The following FER variants were observed in gnomAD, a reference collection of about 807,000 sequenced individuals.
FER encodes tyrosine-protein kinase Fer.
FER carries 63 observed loss-of-function variants against 111.0 expected under a neutral mutation model. The ratio of observed to expected loss-of-function variants is 0.57; its 90% CI spans 0.46 to 0.70. The LOEUF (loss-of-function observed/expected upper bound fraction) is 0.70. FER is among the 30% of genes least tolerant of loss of function. The pLI is 0.00. For synonymous variants in FER, 327 were observed against 313.9 expected (o/e 1.04, Z -0.44); for missense variants, 914 against 954.0 (o/e 0.96, Z 0.55).
chr5:108,761,310 AT>A (rs1324335064), intron 1 of FER, among the ~76,000 whole-genome samples: 1 of 152,166 alleles, frequency 6.6e-6, no homozygotes, highest in Non-Finnish European at 1.5e-5. Flanking sequence ...TATTCCTTTT[AT>A]TTGAACACTT....
intron 13 of FER, among the ~76,000 whole-genome samples, chr5:109,018,588 T>A (rs1035046795): frequency 2.0e-5 from 3 of 151,834 alleles, no homozygotes; most frequent in African/African-American, 7.2e-5. Flanking sequence ...CAGTCTGAGC[T>A]TCCATTTCCT....
At chr5:109,123,921 C>G (rs963022512) in intron 17 of FER, among the ~76,000 whole-genome samples, 8 of 152,064 alleles carry the variant, frequency 5.3e-5, no homozygotes, top group Admixed American at 2.6e-4. Flanking sequence ...ATTATGTTTA[C>G]ATAGATAATG....
chr5:108,922,774 G>A (rs1030116550), intron 10 of FER, among the ~76,000 whole-genome samples: 8 of 152,166 alleles, frequency 5.3e-5, no homozygotes, highest in South Asian at 2.1e-4. Context: ...GAAACTATAC[G>A]CATTGTTTAC....
chr5:108,961,611 C>A (rs1759161903), intron 13 of FER, among the ~76,000 whole-genome samples: 1 of 152,064 alleles, frequency 6.6e-6, no homozygotes, highest in Admixed American at 6.6e-5. Context: ...TGGGTATTAA[C>A]CTAATCTAAA....
rs1032731631 is a variant in FER at position 109,186,181 on chromosome 5, G to C, written c.2204-19G>C. On this transcript the variant is annotated intron_variant, in intron 18 of 19. Coordinates refer to ENST00000281092, the MANE Select transcript of FER (RefSeq NM_005246.4). ...GTCTACTGTGCCTCATGTGGTTATGGTTGTTGTTCCTCTTCCAGGGAGATA... is the reference window on the plus strand; with the variant it reads ...GTCTACTGTGCCTCATGTGGTTATGCTTGTTGTTCCTCTTCCAGGGAGATA... The C allele has an allele frequency of 5.0e-6, 8 of 1,614,084 alleles. No homozygotes were observed. Among genetic ancestry groups the C allele is most frequent in the Non-Finnish European group, 5.9e-6 (7 of 1,179,944 alleles).
intron 17 of FER, among the ~76,000 whole-genome samples, chr5:109,156,858 A>G (rs1755452591): frequency 6.6e-6 from 1 of 152,096 alleles, no homozygotes; most frequent in Non-Finnish European, 1.5e-5. Context: ...GCAAAATCAT[A>G]TTAATATTAT....
intron 17 of FER, among the ~76,000 whole-genome samples, chr5:109,165,854 G>A (rs1190839786): frequency 6.6e-6 from 1 of 152,062 alleles, no homozygotes; most frequent in Admixed American, 6.6e-5. Context: ...TTGACATAAA[G>A]GCAATTTGTG....
intron 16 of FER, among the ~76,000 whole-genome samples, chr5:109,056,376 A>G (rs888649505): frequency 6.6e-6 from 1 of 152,206 alleles, no homozygotes; most frequent in African/African-American, 2.4e-5. Flanking sequence ...GTTCAGTAGA[A>G]TATTCTTCAG....
rs746771043 is a variant in FER, at chr5:109,187,530, T to A, written c.2424T>A (p.Ser808Arg). The change falls in exon 20 of 20, where the codon AGT becomes AGA. Residue 808 changes from serine to arginine, a missense_variant. Transcript: ENST00000281092. The part of the protein sequence containing the change: ...DYKPENRPKF[S>R]ELQKELTIIK... ...AACCTGAAAATCGCCCTAAGTTCAG[T>A]GAACTTCAGAAAGAGCTCACTATCA... 33 of 1,613,962 alleles carry A rather than the reference T, an allele frequency of 2.0e-5. No individual in the cohort carries two copies. Among genetic ancestry groups the A allele is most frequent in the Non-Finnish European group, 2.8e-5 (33 of 1,179,990 alleles).
At chr5:108,856,005 C>G (rs1762972650) in intron 5 of FER, among the ~76,000 whole-genome samples, 1 of 149,414 alleles carries the variant, frequency 6.7e-6, no homozygotes, top group East Asian at 2.0e-4. Flanking sequence ...AAGTGCACTT[C>G]TAGGGAAGGA....
At chr5:109,147,820 GAGAGAGAC>G (rs1158575007) in intron 17 of FER, among the ~76,000 whole-genome samples, 4 of 148,926 alleles carry the variant, frequency 2.7e-5, no homozygotes, top group African/African-American at 9.8e-5. Flanking sequence ...GAGAGAGAGA[GAGAGAGAC>G]AGAGACAGAG....
intron 13 of FER, among the ~76,000 whole-genome samples, chr5:108,980,702 G>A (rs974667890): frequency 4.6e-5 from 7 of 152,114 alleles, no homozygotes; most frequent in Non-Finnish European, 1.0e-4. Flanking sequence ...CGATAACAGA[G>A]TGAATTTCCA....
intron 17 of FER, among the ~76,000 whole-genome samples, chr5:109,104,024 G>A (rs1748581503): frequency 6.6e-6 from 1 of 152,144 alleles, no homozygotes; most frequent in African/African-American, 2.4e-5. Flanking sequence ...GGAGTTTGGG[G>A]AACATTTCTT....
chr5:108,973,304 A>G (rs1760917477), intron 13 of FER, among the ~76,000 whole-genome samples: 2 of 152,162 alleles, frequency 1.3e-5, no homozygotes, highest in East Asian at 3.8e-4. Flanking sequence ...TGTGCCACAA[A>G]AGGCTTGTCC....
At chr5:108,905,699 CTT>C (rs1158498456) in intron 10 of FER, among the ~76,000 whole-genome samples, 1 of 152,016 alleles carries the variant, frequency 6.6e-6, no homozygotes, top group East Asian at 1.9e-4. Flanking sequence ...TGAATTTTGA[CTT>C]GTATGTATTT....
intron 5 of FER, among the ~76,000 whole-genome samples, chr5:108,857,961 C>T (rs763831731): frequency 5.3e-5 from 8 of 152,134 alleles, no homozygotes; most frequent in African/African-American, 1.9e-4. Context: ...CTCTATGAAA[C>T]CCTAGTTCCT....
chr5:108,776,933 A>G (rs1260643398), intron 2 of FER, among the ~76,000 whole-genome samples: 4 of 152,238 alleles, frequency 2.6e-5, no homozygotes, highest in Non-Finnish European at 5.9e-5. Context: ...ACATGCATAC[A>G]CTTTTGTGTA....
chr5:108,894,297 C>G, intron 9 of FER: 1 of 772,610 alleles, frequency 1.3e-6, no homozygotes, highest in South Asian at 3.2e-5. Flanking sequence ...CAGGTTGGGA[C>G]TTGGGGGTCA....
chr5:109,177,724 A>C (rs1159828841), intron 17 of FER: 1 of 152,192 alleles, frequency 6.6e-6, no homozygotes, highest in African/African-American at 2.4e-5. Flanking sequence ...AGAAGTTTGA[A>C]TCTTCAAATA....
Sources: allele counts gnomAD v4.1 joint callset (sites outside exome capture counted in the v4.1 genomes callset), GRCh38; gene constraint gnomAD v4.1.1; transcripts MANE v1.5; gene names NCBI Gene and HGNC (gene_info 2026-07-23, HGNC 2026-07-21).